Variants in GTF3C1 observed in about 807,000 individuals in gnomAD.
The protein encoded by GTF3C1 is general transcription factor 3C polypeptide 1.
A neutral mutation model predicts 226.7 loss-of-function variants in GTF3C1; 57 were observed. That is an observed-to-expected ratio of 0.25 (90% CI 0.20 to 0.31). The LOEUF is 0.31. Among genes scored for constraint, GTF3C1 ranks in the 10% least tolerant of loss-of-function variants. The pLI, the probability that GTF3C1 is intolerant of heterozygous loss-of-function variation, is 1.00. For synonymous variants in GTF3C1, 1,090 were observed against 1,084.8 expected, an observed-to-expected ratio of 1.00 and a Z score of -0.09; for missense variants, 2,217 against 2,776.1, an observed-to-expected ratio of 0.80 and a Z score of 4.53.
intron 5 of GTF3C1, among the ~76,000 whole-genome samples, 197 bp downstream of exon 5, chr16:27,533,094 C>T (rs548013744): frequency 4.7e-4 from 72 of 152,100 alleles, no homozygotes; most frequent in Non-Finnish European, 7.6e-4. Context: ...GTCGCACCAC[C>T]GCACCCCAGC....
intron 4 of GTF3C1, among the ~76,000 whole-genome samples, chr16:27,533,589 C>T (rs1028804312): frequency 2.6e-5 from 4 of 152,212 alleles, no homozygotes; most frequent in Non-Finnish European, 5.9e-5. Context: ...GGTTCTGTCA[C>T]GTCCAAGGCC....
At chr16:27,489,483 G>T in intron 20 of GTF3C1, 119 bp downstream of exon 20, 1 of 746,490 alleles carries the variant, frequency 1.3e-6, no homozygotes, top group Non-Finnish European at 2.2e-6. Flanking sequence ...TGCAGCCTCT[G>T]CACCGGAGAC....
rs2141334881 is a variant in GTF3C1 at position 27,461,634 on chromosome 16, T to G, written c.6118-72A>C. ...CTTGTTGATTTATTCTTCAAGCATT[T>G]ATGGAATGCCCCCTCTGTACCAGGG... On this transcript the variant is annotated intron_variant, in intron 36 of 36. Transcript: ENST00000356183. The surrounding 1 kb of genome is among the most constrained non-coding windows in gnomAD (Gnocchi z 5.3). 1.7e-6 allele frequency: 2 copies of G among 1,173,374 alleles called. No homozygotes were observed. Among genetic ancestry groups the G allele is most frequent in the East Asian group, 4.7e-5 (2 of 42,340 alleles). 72.7% of individuals were successfully genotyped at this position (1,173,374 alleles called of 1,614,324 possible). A position where few individuals can be genotyped will look rare whatever the true frequency, so the allele number is the denominator to read the frequency against.
chr16:27,463,848 G>A lies in GTF3C1; in HGVS notation c.5873-256C>T, dbSNP rs1178911107. ...AAGCCCCACATTGCAGGAAGCCAGC[G>A]AACACCTCATTTTCCACCCAGAAGC... On this transcript the variant is annotated intron_variant, in intron 34 of 36. Coordinates refer to ENST00000356183, the MANE Select transcript of GTF3C1 (RefSeq NM_001520.4). The surrounding 1 kb of genome is among the most constrained non-coding windows in gnomAD (Gnocchi z 4.9). The A allele has an allele frequency of 4.0e-6, 2 of 496,922 alleles. No homozygotes were observed. The highest frequency in any genetic ancestry group is 5.1e-4 in the Middle Eastern group (1 of 1,954). 30.8% of individuals were successfully genotyped at this position (496,922 alleles called of 1,614,324 possible).
At chr16:27,491,591 A>AG (rs1010288442) in intron 19 of GTF3C1, among the ~76,000 whole-genome samples, 2 of 152,102 alleles carry the variant, frequency 1.3e-5, no homozygotes, top group Non-Finnish European at 2.9e-5. Flanking sequence ...CCAGTGTGGG[A>AG]GGGAGGGTCC....
chr16:27,465,120 C>G (rs2087766255), intron 33 of GTF3C1, 140 bp downstream of exon 33: 1 of 775,200 alleles, frequency 1.3e-6, no homozygotes, highest in African/African-American at 1.7e-5. Context: ...CCCCAGTTTT[C>G]AAGTGTTAAT....
Position 27,461,547 on chromosome 16 carries a change from C to T in GTF3C1, c.6133G>A (p.Gly2045Ser), listed in dbSNP as rs751244088. ...CTCAGCCAGCGCTTCCGGATGCAGC[C>T]GAGGGACTCCAGGCCCTGGAGACAC... ...LELLQGLESL[G>S]CIRKRWLRKP... is the part of the protein sequence containing the mutation. The change falls in exon 37 of 37, where the codon GGC (glycine) becomes AGC (serine). Residue 2045 changes from glycine (G) to serine (S), a missense_variant. Gly to Ser is a moderately conservative substitution (Grantham distance 56, BLOSUM62 0). Transcript: ENST00000356183. This position sits in a 1 kb window ranked among gnomAD's most constrained non-coding sequence, Gnocchi z 5.3. 1.1e-5 allele frequency: 17 copies of T among 1,613,266 alleles called. No homozygotes were observed. Among genetic ancestry groups the T allele is most frequent in the South Asian group, 6.6e-5 (6 of 91,080 alleles).
Position 27,488,275 on chromosome 16 carries a change from T to G in GTF3C1, c.3652A>C (p.Lys1218Gln). 3 of 1,614,208 alleles carry G rather than the reference T, an allele frequency of 1.9e-6. No individual in the cohort carries two copies. The highest frequency in any genetic ancestry group is 2.5e-6 in the Non-Finnish European group (3 of 1,180,034). The change falls in exon 23 of 37, where the codon AAG becomes CAG. Residue 1218 changes from lysine (K) to glutamine (Q), a missense_variant. Lys to Gln is a moderately conservative substitution (Grantham distance 53). Transcript: ENST00000356183. ...TTCCCAGGGTCCTTCTTCAGCCGCTTCCGCTTCTGGCTTTTCCCACCCCTC... is the reference window on the plus strand; with the variant it reads ...TTCCCAGGGTCCTTCTTCAGCCGCTGCCGCTTCTGGCTTTTCCCACCCCTC... ...RVRGGKSQKR[K>Q]RLKKDPGKKI...
At chr16:27,529,324 T>C (rs915597125) in intron 5 of GTF3C1, among the ~76,000 whole-genome samples, 2 of 151,996 alleles carry the variant, frequency 1.3e-5, no homozygotes, top group South Asian at 2.1e-4. Flanking sequence ...ATGCCTGTAA[T>C]CCTAGCTACT....
In GTF3C1 at chr16:27,469,144, G is replaced by C. The variant is rs929020237; in HGVS notation, c.5074+147C>G. 3 of 817,392 alleles carry C rather than the reference G, an allele frequency of 3.7e-6. No homozygotes were observed. In the African/African-American group the frequency reaches 5.2e-5, roughly 14 times the overall value. The allele number at this position is 817,392 out of a possible 1,614,324, so 50.6% of individuals were successfully genotyped here. A position where few individuals can be genotyped will look rare whatever the true frequency, so the allele number is the denominator to read the frequency against. ...GGGGAAGGCATCCCTTGAGTTGGCTGCAAGGATGGGGTGTGTTTTTCTGTG... is the reference window on the plus strand; with the variant it reads ...GGGGAAGGCATCCCTTGAGTTGGCTCCAAGGATGGGGTGTGTTTTTCTGTG... On this transcript the variant is annotated intron_variant, in intron 32 of 36. Transcript: ENST00000356183. The surrounding 1 kb of genome is among the most constrained non-coding windows in gnomAD (Gnocchi z 4.5).
intron 1 of GTF3C1, among the ~76,000 whole-genome samples, chr16:27,548,779 T>A (rs1246998266): frequency 1.3e-5 from 2 of 152,352 alleles, no homozygotes; most frequent in South Asian, 4.1e-4. Context: ...ATCAAGTGAA[T>A]TTAATCTCCT....
At chr16:27,475,118 C>T (rs1267722293) in intron 29 of GTF3C1, among the ~76,000 whole-genome samples, 4 of 152,242 alleles carry the variant, frequency 2.6e-5, no homozygotes, top group Admixed American at 1.3e-4. Flanking sequence ...GTAACAAGCA[C>T]GTGCAGCGCC....
Position 27,484,362 on chromosome 16 carries a change from AAC to A in GTF3C1, c.3859-11_3859-10del, listed in dbSNP as rs1266613287. 1.9e-6 allele frequency: 3 copies of A among 1,598,468 alleles called. No homozygotes were observed. Among genetic ancestry groups the A allele is most frequent in the Admixed American group, 1.7e-5 (1 of 59,914 alleles). ...ACAAATGGGCCCTTCACCTGGATCA[AAC>A]ACAGAGCCAAGACAAAAAGTCAGTA... is the stretch of plus-strand genomic sequence containing the variant. On this transcript the variant is annotated splice_polypyrimidine_tract_variant and intron_variant, in intron 24 of 36. Coordinates refer to ENST00000356183, the MANE Select transcript of GTF3C1 (RefSeq NM_001520.4).
At chr16:27,485,467 C>T (rs2088125194) in intron 24 of GTF3C1, among the ~76,000 whole-genome samples, 2 of 152,200 alleles carry the variant, frequency 1.3e-5, no homozygotes, top group African/African-American at 4.8e-5. Flanking sequence ...TAATTACGCC[C>T]AATTGGCAGA....
In GTF3C1 at chr16:27,511,813, G is replaced by C. The variant is rs200720938; in HGVS notation, c.1062C>G (p.Ser354=). The change falls in exon 7 of 37, where the codon TCC becomes TCG. Residue 354 remains serine, a synonymous_variant. Coordinates refer to ENST00000356183, the MANE Select transcript of GTF3C1 (RefSeq NM_001520.4). Reference sequence around the variant, plus strand: ...CAATGTCCACTGGAGGCACTGTCTTGGAGATGACCTCCTCGTCCTCGTCAT... The same window carrying C: ...CAATGTCCACTGGAGGCACTGTCTTCGAGATGACCTCCTCGTCCTCGTCAT... ...HDDDEDEEVI[S]KTVPPVDIVF... is the part of the protein sequence containing the mutation. The C allele has an allele frequency of 5.3e-5, 86 of 1,614,142 alleles. 1 individual carries two copies. The Admixed American group carries it at 1.1e-3, about 22-fold the overall frequency.
intron 5 of GTF3C1, among the ~76,000 whole-genome samples, chr16:27,529,259 A>G (rs1395196595): frequency 1.3e-5 from 2 of 152,170 alleles, no homozygotes; most frequent in African/African-American, 2.4e-5. Context: ...CCTGGCCAAC[A>G]TGGCGAAACC....
intron 4 of GTF3C1, among the ~76,000 whole-genome samples, chr16:27,535,207 T>G (rs2088981984): frequency 6.6e-6 from 1 of 152,222 alleles, no homozygotes; most frequent in African/African-American, 2.4e-5. Context: ...AGTGTACTAC[T>G]GTTAATAACT....
chr16:27,479,285 A>G (rs1479677842), intron 27 of GTF3C1, among the ~76,000 whole-genome samples: 1 of 151,832 alleles, frequency 6.6e-6, no homozygotes, highest in Non-Finnish European at 1.5e-5. Context: ...AAGAGTAGCC[A>G]TATTAGGTGT....
chr16:27,537,551 A>G (rs1385550985), intron 4 of GTF3C1, among the ~76,000 whole-genome samples: 1 of 152,168 alleles, frequency 6.6e-6, no homozygotes, highest in Non-Finnish European at 1.5e-5. Flanking sequence ...TTGGGACTAC[A>G]GGTGTGCACC....
Sources: gnomAD v4.1 joint callset for allele counts (sites outside exome capture counted in the v4.1 genomes callset) on GRCh38, gnomAD v4.1.1 for gene constraint, Gnocchi (gnomAD v3.1) non-coding constraint, MANE v1.5 for transcripts, NCBI Gene and HGNC (gene_info 2026-07-23, HGNC 2026-07-21) for gene names.